The following CBFA2T3 variants were observed in gnomAD, a reference collection of about 807,000 sequenced individuals.
CBFA2T3 encodes the protein CBFA2/RUNX1 partner transcriptional co-repressor 3.
A neutral mutation model predicts 58.6 loss-of-function variants in CBFA2T3; 31 were observed. That is an observed-to-expected ratio of 0.53 (90% CI 0.40 to 0.71). The LOEUF (loss-of-function observed/expected upper bound fraction) is 0.71, where lower values mean the gene tolerates loss of function less well. Ranked by LOEUF, CBFA2T3 falls within the 30% of genes least tolerant of loss-of-function variation. The pLI is 0.00. For missense variants in CBFA2T3, 1,076 were observed against 963.1 expected, an observed-to-expected ratio of 1.12 and a Z score of -1.55; for synonymous variants, 531 against 421.9, an observed-to-expected ratio of 1.26 and a Z score of -3.17.
Position 88,881,952 on chromosome 16 carries a change from C to T in CBFA2T3, c.1204-463G>A, listed in dbSNP as rs1200680767. Among the ~76,000 whole-genome samples, 4 of 152,240 alleles carry T rather than the reference C, an allele frequency of 2.6e-5. No homozygotes were observed. The East Asian group carries it at 7.7e-4, about 29-fold the overall frequency. ...AGTTCCGGGCCGTCCCCGAACACGT[C>T]CTGCCTCAAAGAGGCCTCGGCACTG... On this transcript the variant is annotated intron_variant, in intron 8 of 11. Coordinates refer to ENST00000268679, the MANE Select transcript of CBFA2T3 (RefSeq NM_005187.6).
At chr16:88,892,560 G>A (rs749295124) in intron 3 of CBFA2T3, 75 bp from the exon 4 acceptor site, 740 of 1,524,610 alleles carry the variant, frequency 4.9e-4, no homozygotes, top group Non-Finnish European at 6.4e-4. Flanking sequence ...GACAGTGAGG[G>A]AAGCAGCGAC....
chr16:88,920,959 T>C (rs1970895264), intron 1 of CBFA2T3, among the ~76,000 whole-genome samples: 1 of 152,246 alleles, frequency 6.6e-6, no homozygotes, highest in South Asian at 2.1e-4. Flanking sequence ...CTCCACAACC[T>C]GGAACAACAC....
intron 1 of CBFA2T3, chr16:88,938,377 G>T (rs1393366712): frequency 6.6e-6 from 1 of 150,760 alleles, no homozygotes; most frequent in Non-Finnish European, 1.5e-5. Flanking sequence ...CTGGACAGGG[G>T]CCTGGAGACA....
chr16:88,923,824 CG>C (rs780913999), intron 1 of CBFA2T3, among the ~76,000 whole-genome samples: 4 of 152,184 alleles, frequency 2.6e-5, no homozygotes, highest in Non-Finnish European at 5.9e-5. Flanking sequence ...ACCAGAATGC[CG>C]AACCCACCCC....
intron 1 of CBFA2T3, among the ~76,000 whole-genome samples, chr16:88,941,372 C>G (rs1448747647): frequency 6.8e-6 from 1 of 146,006 alleles, no homozygotes; most frequent in African/African-American, 2.5e-5. Context: ...GCCCCCGCCC[C>G]GCGCGCTCCG....
In CBFA2T3 at chr16:88,885,965, C is replaced by G. The variant is rs767848552; in HGVS notation, c.889G>C (p.Asp297His). Residue 297 changes from aspartate (D) to histidine (H), a missense_variant, in exon 6 of 12, where the codon GAC (aspartate) becomes CAC (histidine). Physicochemically the swap from Asp to His is moderately conservative, Grantham distance 81. Transcript: ENST00000268679. The surrounding 1 kb of genome is among the most constrained non-coding windows in gnomAD (Gnocchi z 5.3). ...ATCCCCGGAGCCCACAGGTACCTGTCGGGCGTCCTCCTCTTGCCGTTCTCG... is the reference window on the plus strand; with the variant it reads ...ATCCCCGGAGCCCACAGGTACCTGTGGGGCGTCCTCCTCTTGCCGTTCTCG... ...VNENGKRRTP[D>H]RTKENGSDRD... is the part of the protein sequence containing the mutation. The G allele has an allele frequency of 6.5e-7, 1 of 1,548,062 alleles. No individual in the cohort carries two copies. Among genetic ancestry groups the G allele is most frequent in the Non-Finnish European group, 8.7e-7 (1 of 1,146,534 alleles).
intron 4 of CBFA2T3, 123 bp from the exon 5 acceptor site, chr16:88,892,094 C>T (rs1040524299): frequency 1.9e-5 from 26 of 1,351,584 alleles, no homozygotes; most frequent in Non-Finnish European, 2.3e-5. Context: ...GAGCTGGGCA[C>T]GGCCTGAGAG....
intron 2 of CBFA2T3, among the ~76,000 whole-genome samples, chr16:88,899,555 G>A (rs1014751912): frequency 2.6e-4 from 40 of 152,114 alleles, no homozygotes; most frequent in Admixed American, 2.4e-3. Context: ...CAGGCATGCC[G>A]GCTGCCCTCA....
chr16:88,885,001 C>G lies in CBFA2T3; in HGVS notation c.1117+45G>C. 1 of 1,441,424 alleles carries G rather than the reference C, an allele frequency of 6.9e-7. No individual in the cohort carries two copies. The highest frequency in any genetic ancestry group is 9.4e-7 in the Non-Finnish European group (1 of 1,059,824). 89.3% of individuals were successfully genotyped at this position (1,441,424 alleles called of 1,614,324 possible). A position where few individuals can be genotyped will look rare whatever the true frequency, so the allele number is the denominator to read the frequency against. Reference sequence around the variant, plus strand: ...AGGTGTACATGTGGGCGCATGTGTGCTCCTGTAACACGCGTCCACGCTCCC... The same window carrying G: ...AGGTGTACATGTGGGCGCATGTGTGGTCCTGTAACACGCGTCCACGCTCCC... On this transcript the variant is annotated intron_variant, in intron 7 of 11. Transcript: ENST00000268679. The surrounding 1 kb of genome is among the most constrained non-coding windows in gnomAD (Gnocchi z 5.3).
chr16:88,882,857 G>A (rs543102351), intron 7 of CBFA2T3, 96 bp from the exon 8 acceptor site: 44 of 847,706 alleles, frequency 5.2e-5, no homozygotes, highest in Non-Finnish European at 8.1e-5. Flanking sequence ...CCCCACCCGT[G>A]GGCTGTGCCC....
chr16:88,890,483 C>A (rs892570960), intron 5 of CBFA2T3, among the ~76,000 whole-genome samples: 41 of 152,136 alleles, frequency 2.7e-4, no homozygotes, highest in African/African-American at 9.7e-4. Context: ...GCTGGCAGCT[C>A]CCAACTAAGC....
intron 1 of CBFA2T3, among the ~76,000 whole-genome samples, chr16:88,942,991 A>C (rs1309377818): frequency 6.6e-6 from 1 of 152,178 alleles, no homozygotes; most frequent in African/African-American, 2.4e-5. Flanking sequence ...TTTATGCTCG[A>C]AATTTATCCA....
intron 1 of CBFA2T3, among the ~76,000 whole-genome samples, chr16:88,906,336 C>T (rs1402949232): frequency 2.0e-5 from 3 of 152,040 alleles, no homozygotes; most frequent in Non-Finnish European, 4.4e-5. Context: ...CTTCGAGGCT[C>T]GGAGGCCCCG....
chr16:88,975,180 A>AGCCATGTCAGAGGTCCACCCTGACCG (rs1567643994), intron 1 of CBFA2T3, among the ~76,000 whole-genome samples: 2 of 79,426 alleles, frequency 2.5e-5, no homozygotes, highest in African/African-American at 5.4e-5. Context: ...TCTGCTCCAC[A>AGCCATGTCAGAGGTCCACCCTGACCG]TCTTTAGCCA....
chr16:88,931,826 G>A (rs529666619), intron 1 of CBFA2T3, among the ~76,000 whole-genome samples: 13 of 152,242 alleles, frequency 8.5e-5, no homozygotes, highest in East Asian at 3.9e-4. Context: ...CACGGCTCAC[G>A]CTTTATAAAA....
At position 88,921,057 on chromosome 16, in the gene CBFA2T3, C is replaced by T. The variant is rs914905370; in HGVS notation, c.152-19401G>A. 1.5e-4 allele frequency among the ~76,000 whole-genome samples: 23 copies of T among 152,354 alleles called. No homozygotes were observed. In the Middle Eastern group the frequency reaches 0.01, roughly 68 times the overall value. On this transcript the variant is annotated intron_variant, in intron 1 of 11. Coordinates refer to ENST00000268679, the MANE Select transcript of CBFA2T3 (RefSeq NM_005187.6). ...TCCTCTTGGCGGAACCTCCCTGCTC[C>T]GCCCCCACCCTGGGCCTTCCCCCAG...
At chr16:88,944,056 G>A (rs1210009697) in intron 1 of CBFA2T3, among the ~76,000 whole-genome samples, 1 of 152,132 alleles carries the variant, frequency 6.6e-6, no homozygotes, top group Non-Finnish European at 1.5e-5. Context: ...AAACCACCAC[G>A]GCCGGGTGCG....
intron 1 of CBFA2T3, among the ~76,000 whole-genome samples, chr16:88,968,868 G>A (rs1044550014): frequency 3.3e-5 from 5 of 152,160 alleles, no homozygotes; most frequent in African/African-American, 9.7e-5. Context: ...ACAGGGTGGC[G>A]AGGCCCTGGA....
At chr16:88,937,998 G>A (rs1018076348) in intron 1 of CBFA2T3, 4 of 152,264 alleles carry the variant, frequency 2.6e-5, no homozygotes, top group African/African-American at 9.6e-5. Context: ...CTTCTGGAGG[G>A]TCTTTAGCAA....
Sources: gnomAD v4.1 joint callset for allele counts (sites outside exome capture counted in the v4.1 genomes callset) on GRCh38, gnomAD v4.1.1 for gene constraint, Gnocchi (gnomAD v3.1) non-coding constraint, MANE v1.5 for transcripts, NCBI Gene and HGNC (gene_info 2026-07-23, HGNC 2026-07-21) for gene names.